NADSYN1: variants seen among roughly 807,000 people sequenced by gnomAD.
NADSYN1 encodes the protein NAD synthetase 1.
NADSYN1 carries 80 observed loss-of-function variants against 99.3 expected under a neutral mutation model. That is an observed-to-expected ratio of 0.81 (90% confidence interval 0.67 to 0.97). NADSYN1 has a LOEUF of 0.97. Among genes scored for constraint, NADSYN1 ranks in the 50% least tolerant of loss-of-function variants. The pLI is 0.00. For synonymous variants in NADSYN1, 385 were observed against 372.1 expected (o/e 1.03, Z -0.40); for missense variants, 859 against 948.5 (o/e 0.91, Z 1.24).
At chr11:71,467,557 C>A (rs531819054) in intron 5 of NADSYN1, among the ~76,000 whole-genome samples, 14 of 152,166 alleles carry the variant, frequency 9.2e-5, no homozygotes, top group Admixed American at 5.9e-4. Context: ...AGCAGCCAAT[C>A]AGAATTAGAA....
At position 71,466,984 on chromosome 11, in the gene NADSYN1, G is replaced by A. The variant is rs79941759; in HGVS notation, c.407+2842G>A. ...CATGGAACTGGAGGTGGGGGGGTGG[G>A]CAGGAGATCCAATAGGAGACACCTC... On this transcript the variant is annotated intron_variant, in intron 5 of 20. Transcript: ENST00000319023. 3.4e-3 allele frequency among the ~76,000 whole-genome samples: 514 copies of A among 152,194 alleles called. 5 individuals are homozygous for A. The highest frequency in any genetic ancestry group is 0.012 in the African/African-American group (499 of 41,502).
intron 15 of NADSYN1, 183 bp from the exon 16 acceptor site, chr11:71,485,359 A>G: frequency 2.1e-6 from 1 of 482,878 alleles, no homozygotes; most frequent in South Asian, 2.6e-5. Flanking sequence ...AGCCCTGTGG[A>G]GGTGGGACCA....
At chr11:71,464,228 C>G (rs1949572371) in intron 5 of NADSYN1, 86 bp downstream of exon 5, 1 of 1,080,058 alleles carries the variant, frequency 9.3e-7, no homozygotes. Context: ...GGGAGTGTTA[C>G]CGGTGGAGGG....
At chr11:71,484,526 G>GC (rs1381503164) in intron 15 of NADSYN1, 79 bp downstream of exon 15, 1 of 1,501,792 alleles carries the variant, frequency 6.7e-7, no homozygotes, top group Admixed American at 2.1e-5. Context: ...ATGTGCAGGT[G>GC]CCCCCACCTG....
intron 14 of NADSYN1, among the ~76,000 whole-genome samples, chr11:71,483,721 C>T (rs913076608): frequency 2.0e-5 from 3 of 152,128 alleles, no homozygotes; most frequent in African/African-American, 4.8e-5. Flanking sequence ...AACAGGGACC[C>T]GAACAGATAC....
chr11:71,492,834 C>A (rs1327639098), intron 18 of NADSYN1, among the ~76,000 whole-genome samples: 1 of 151,896 alleles, frequency 6.6e-6, no homozygotes, highest in African/African-American at 2.4e-5. Context: ...AAGAACTCTT[C>A]TGATCCATGA....
At chr11:71,473,961 G>A (rs1311534057) in intron 8 of NADSYN1, among the ~76,000 whole-genome samples, 1 of 152,236 alleles carries the variant, frequency 6.6e-6, no homozygotes, top group Non-Finnish European at 1.5e-5. Flanking sequence ...GCATCATGGT[G>A]AGGCGTAGGG....
At chr11:71,459,036 T>C (rs1949531758) in intron 3 of NADSYN1, 1 of 178,196 alleles carries the variant, frequency 5.6e-6, no homozygotes, top group Non-Finnish European at 1.2e-5. Flanking sequence ...GTGTCTGTGC[T>C]GTACCCTGCA....
At chr11:71,474,639 G>C in intron 9 of NADSYN1, 113 bp downstream of exon 9, 1 of 1,400,364 alleles carries the variant, frequency 7.1e-7, no homozygotes, top group East Asian at 2.4e-5. Context: ...AGAAGCCCCC[G>C]GGGGTCCCGC....
intron 20 of NADSYN1, among the ~76,000 whole-genome samples, chr11:71,500,655 T>G (rs1449749828): frequency 2.0e-5 from 3 of 152,170 alleles, no homozygotes; most frequent in African/African-American, 7.2e-5. Context: ...TCTGGCTGAT[T>G]TCCGTGGAAA....
At chr11:71,454,556 T>C (rs1408949707) in intron 1 of NADSYN1, among the ~76,000 whole-genome samples, 2 of 150,538 alleles carry the variant, frequency 1.3e-5, no homozygotes, top group Non-Finnish European at 3.0e-5. Flanking sequence ...TTTCACCTCA[T>C]TTGCTCAGAG....
chr11:71,481,608 G>A, intron 12 of NADSYN1: 2 of 622,064 alleles, frequency 3.2e-6, no homozygotes. Context: ...CTCCACCTTT[G>A]GAGGCTCAGC....
intron 4 of NADSYN1, 31 bp from the exon 5 acceptor site, chr11:71,464,022 G>C (rs150126660): frequency 4.5e-6 from 7 of 1,561,586 alleles, no homozygotes; most frequent in Non-Finnish European, 6.1e-6. Context: ...TCAGGAGCCC[G>C]GTGTGCACAG....
intron 12 of NADSYN1, 133 bp downstream of exon 12, chr11:71,481,537 C>T (rs1404984936): frequency 2.2e-6 from 2 of 915,136 alleles, no homozygotes; most frequent in African/African-American, 1.7e-5. Context: ...CACTCTGCCT[C>T]CATGGGGAGC....
rs1358089268 is a variant in NADSYN1 at position 71,490,841 on chromosome 11, G to T, written c.1563-4G>T. On this transcript the variant is annotated splice_polypyrimidine_tract_variant and splice_region_variant and intron_variant, in intron 16 of 20. Coordinates refer to ENST00000319023, the MANE Select transcript of NADSYN1 (RefSeq NM_018161.5). ...ACCCGCGCTCTTTCTCCCTCTCCCT[G>T]CAGTCTCCTGGGCTACCTGACCAAG... The T allele has an allele frequency of 4.3e-6, 7 of 1,613,900 alleles. No individual in the cohort carries two copies. Among genetic ancestry groups the T allele is most frequent in the Non-Finnish European group, 5.9e-6 (7 of 1,179,940 alleles).
intron 2 of NADSYN1, 27 bp from the exon 3 acceptor site, chr11:71,458,401 G>A: frequency 6.3e-7 from 1 of 1,575,962 alleles, no homozygotes; most frequent in Non-Finnish European, 8.7e-7. Context: ...GTTGTTTCTG[G>A]AGCTCACCTT....
In NADSYN1 at chr11:71,455,313, A is replaced by G; in HGVS notation, c.146+143A>G. On this transcript the variant is annotated intron_variant, in intron 2 of 20. Transcript: ENST00000319023. ...CCCACTGTTGGGCCTGGTTAATGCC[A>G]TTGAACACCTGAGCAAGGGCAGGCC... The G allele has an allele frequency of 4.6e-6, 3 of 648,650 alleles. No individual in the cohort carries two copies. The East Asian group carries it at 8.0e-5, about 17-fold the overall frequency. The allele number at this position is 648,650 out of a possible 1,614,324, so 40.2% of individuals were successfully genotyped here.
At position 71,501,319 on chromosome 11, in the gene NADSYN1, G is replaced by A. The variant is rs1407934906; in HGVS notation, c.2088G>A (p.Arg696=). 3 of 1,604,204 alleles carry A rather than the reference G, an allele frequency of 1.9e-6. No homozygotes were observed. The highest frequency in any genetic ancestry group is 2.6e-6 in the Non-Finnish European group (3 of 1,175,750). ...CIENQVLQLE[R]AEPQSLDGVD is the part of the protein sequence containing the mutation. ...CTTTCCAGGTGCTACAGCTCGAGAGGGCAGAGCCACAGTCCCTGGACGGCG... is the reference window on the plus strand; with the variant it reads ...CTTTCCAGGTGCTACAGCTCGAGAGAGCAGAGCCACAGTCCCTGGACGGCG... Residue 696 remains arginine (R), a synonymous_variant, in exon 21 of 21, where the codon AGG becomes AGA. Transcript: ENST00000319023.
At chr11:71,480,975 C>T (rs1448562195) in intron 11 of NADSYN1, 96 bp downstream of exon 11, 3 of 1,531,202 alleles carry the variant, frequency 2.0e-6, no homozygotes, top group East Asian at 2.3e-5. Context: ...GTTTTCAGAA[C>T]CTGCCTGGGT....
Sources: allele counts gnomAD v4.1 joint callset (sites outside exome capture counted in the v4.1 genomes callset), GRCh38; gene constraint gnomAD v4.1.1; transcripts MANE v1.5; gene names NCBI Gene and HGNC (gene_info 2026-07-23, HGNC 2026-07-21).